The following SEMA3D variants were observed in gnomAD, a reference collection of about 807,000 sequenced individuals.
SEMA3D encodes the protein semaphorin-3D.
Under a neutral mutation model 100.1 loss-of-function variants are expected in SEMA3D, and 84 were observed. The ratio of observed to expected loss-of-function variants is 0.84; its 90% CI spans 0.70 to 1.01. SEMA3D has a LOEUF of 1.01. SEMA3D is among the 50% of genes least tolerant of loss of function. The probability of loss-of-function intolerance (pLI) is 0.00; values close to 1 mark genes in which losing one functional copy is unlikely to be tolerated. For synonymous variants in SEMA3D, 312 were observed against 320.7 expected (o/e 0.97, Z 0.29); for missense variants, 875 against 934.1 (o/e 0.94, Z 0.82).
chr7:85,018,910 A>C (rs531524831), intron 14 of SEMA3D, among the ~76,000 whole-genome samples: 1 of 151,874 alleles, frequency 6.6e-6, no homozygotes, highest in East Asian at 2.0e-4. Flanking sequence ...ATGGCTTAAA[A>C]AATTTTCCAT....
At chr7:85,236,443 G>C in the SEMA3D span, among the ~76,000 whole-genome samples, 1 of 151,604 alleles carries the variant, frequency 6.6e-6, no homozygotes, top group Non-Finnish European at 1.5e-5. Flanking sequence ...GAGTAGCTGG[G>C]ACTACAGGCA....
At chr7:85,209,824 C>T in the SEMA3D span, among the ~76,000 whole-genome samples, 1 of 152,086 alleles carries the variant, frequency 6.6e-6, no homozygotes, top group Non-Finnish European at 1.5e-5. Flanking sequence ...TTAATTCCCA[C>T]AAGGTCAATT....
At chr7:85,064,426 G>A (rs960071456) in intron 8 of SEMA3D, among the ~76,000 whole-genome samples, 1 of 152,126 alleles carries the variant, frequency 6.6e-6, no homozygotes, top group African/African-American at 2.4e-5. Context: ...CCTATTAAGG[G>A]TACTTTTTTT....
the SEMA3D span, among the ~76,000 whole-genome samples, chr7:85,201,894 ATT>A: frequency 6.6e-6 from 1 of 151,340 alleles, no homozygotes; most frequent in African/African-American, 2.4e-5. Flanking sequence ...AATAGCTAAT[ATT>A]TTTTGTAGAG....
chr7:85,029,273 A>G (rs989904991), intron 12 of SEMA3D: 2 of 853,958 alleles, frequency 2.3e-6, no homozygotes, highest in Non-Finnish European at 4.0e-6. Context: ...CTCACTGATG[A>G]CAAGGGCCAT....
chr7:85,051,279 C>G (rs1043456938), intron 9 of SEMA3D, among the ~76,000 whole-genome samples: 6 of 151,900 alleles, frequency 3.9e-5, no homozygotes, highest in Non-Finnish European at 8.8e-5. Context: ...GTTGAACATT[C>G]ACATCATCCA....
At chr7:85,223,560 A>G in the SEMA3D span, among the ~76,000 whole-genome samples, 4 of 151,544 alleles carry the variant, frequency 2.6e-5, no homozygotes, top group Admixed American at 6.6e-5. Context: ...GTGTGTGTGT[A>G]TACACCATGG....
the SEMA3D span, among the ~76,000 whole-genome samples, chr7:85,241,478 T>TATATATATACACATATATATATATATAC: frequency 2.2e-5 from 3 of 136,294 alleles, no homozygotes. Flanking sequence ...TATATATATA[T>TATATATATACACATATATATATATATAC]ATATATATAT....
the SEMA3D span, among the ~76,000 whole-genome samples, chr7:85,241,947 C>A: frequency 6.6e-6 from 1 of 151,874 alleles, no homozygotes; most frequent in African/African-American, 2.4e-5. Context: ...GAAAAGGGAA[C>A]CGCTGTACAG....
the SEMA3D span, among the ~76,000 whole-genome samples, chr7:85,219,334 C>A: frequency 7.9e-5 from 12 of 152,138 alleles, no homozygotes; most frequent in African/African-American, 2.9e-4. Flanking sequence ...GGCTTCACTG[C>A]CAGTGCCCTT....
intron 12 of SEMA3D, among the ~76,000 whole-genome samples, chr7:85,035,918 A>G (rs968368958): frequency 3.9e-5 from 6 of 152,090 alleles, no homozygotes; most frequent in Non-Finnish European, 8.8e-5. Flanking sequence ...GTTGTATAGC[A>G]TACTTCCCAA....
chr7:85,063,953 T>G (rs1408372925), intron 8 of SEMA3D, among the ~76,000 whole-genome samples: 1 of 152,106 alleles, frequency 6.6e-6, no homozygotes, highest in African/African-American at 2.4e-5. Context: ...GGCAATAGGG[T>G]CTCAGAAGTT....
At chr7:85,167,404 T>C in intron 1 of SEMA3D, 1 of 983,752 alleles carries the variant, frequency 1.0e-6, no homozygotes, top group Non-Finnish European at 1.2e-6. Flanking sequence ...TCGGTGGTTG[T>C]GTTATAAATT....
At chr7:85,068,135 A>G in intron 7 of SEMA3D, 56 bp downstream of exon 7, 1 of 1,039,352 alleles carries the variant, frequency 9.6e-7, no homozygotes. Flanking sequence ...GGTTCAGTCA[A>G]AAAATAACTC....
chr7:85,146,116 T>C (rs1163213109), intron 2 of SEMA3D, among the ~76,000 whole-genome samples: 2 of 152,200 alleles, frequency 1.3e-5, no homozygotes, highest in Non-Finnish European at 2.9e-5. Flanking sequence ...GAAAAACCAA[T>C]TGGTATAAAT....
chr7:85,151,685 A>G, intron 2 of SEMA3D: 1 of 982,648 alleles, frequency 1.0e-6, no homozygotes, highest in Non-Finnish European at 1.2e-6. Context: ...TATTTCTTTC[A>G]TATTCTCAAA....
chr7:84,997,190 A>C lies in SEMA3D; in HGVS notation c.*2250T>G, dbSNP rs1394057700. 1.3e-5 allele frequency: 2 copies of C among 152,066 alleles called. No homozygotes were observed. Among genetic ancestry groups the C allele is most frequent in the East Asian group, 1.9e-4 (1 of 5,194 alleles). The allele number at this position is 152,066 out of a possible 1,614,324, so 9.4% of individuals were successfully genotyped here. ...AACTAAAAAATGGTTTGGACATTCA[A>C]ATTTGGATAGAAATAAAATTTATTT... On this transcript the variant is annotated 3_prime_UTR_variant, in exon 19 of 19. Transcript: ENST00000284136.
intron 9 of SEMA3D, among the ~76,000 whole-genome samples, chr7:85,050,037 C>A (rs1479473170): frequency 6.8e-6 from 1 of 147,800 alleles, no homozygotes; most frequent in Non-Finnish European, 1.5e-5. Context: ...ACTAGTATTT[C>A]CACCCATTGA....
chr7:85,225,978 A>C, the SEMA3D span, among the ~76,000 whole-genome samples: 1 of 152,196 alleles, frequency 6.6e-6, no homozygotes, highest in Non-Finnish European at 1.5e-5. Context: ...AAGCCTCCAC[A>C]TTGCACTAAT....
Sources: gnomAD v4.1 joint callset for allele counts (sites outside exome capture counted in the v4.1 genomes callset) on GRCh38, gnomAD v4.1.1 for gene constraint, MANE v1.5 for transcripts, NCBI Gene and HGNC (gene_info 2026-07-23, HGNC 2026-07-21) for gene names.